Variants in CTCF observed in about 807,000 individuals in gnomAD.
The protein encoded by CTCF is transcriptional repressor CTCF.
In CTCF, 7 loss-of-function variants were observed where a neutral mutation model predicts 72.3. That is an observed-to-expected ratio of 0.10 (90% CI 0.06 to 0.18). The LOEUF (loss-of-function observed/expected upper bound fraction) is 0.18. Ranked by LOEUF, CTCF falls within the 10% of genes least tolerant of loss-of-function variation. The probability of loss-of-function intolerance (pLI) is 1.00; values close to 1 mark genes in which losing one functional copy is unlikely to be tolerated. For synonymous variants in CTCF, 374 were observed against 315.8 expected, an observed-to-expected ratio of 1.18 and a Z score of -1.95; for missense variants, 516 against 949.1, an observed-to-expected ratio of 0.54 and a Z score of 6.00.
intron 2 of CTCF, among the ~76,000 whole-genome samples, chr16:67,604,752 G>GTTTTTTT (rs1242814743): frequency 3.0e-5 from 3 of 98,908 alleles, no homozygotes; most frequent in Admixed American, 9.3e-5. Context: ...TTTGTTTTTT[G>GTTTTTTT]TTTTTTTTTT....
At chr16:67,601,423 C>A (rs1204490627) in intron 2 of CTCF, among the ~76,000 whole-genome samples, 1 of 151,494 alleles carries the variant, frequency 6.6e-6, no homozygotes, top group Non-Finnish European at 1.5e-5. Context: ...ACTGCAAGCT[C>A]CACCTCTCGG....
chr16:67,574,908 C>T (rs2051474553), intron 2 of CTCF, among the ~76,000 whole-genome samples: 1 of 151,902 alleles, frequency 6.6e-6, no homozygotes, highest in South Asian at 2.1e-4. Flanking sequence ...CTGCCTGCCT[C>T]GGCCTCCCAA....
At chr16:67,627,509 T>C (rs938044268) in intron 8 of CTCF, 2 of 139,306 alleles carry the variant, frequency 1.4e-5, no homozygotes, top group African/African-American at 2.7e-5. Flanking sequence ...AAAGAAAAAA[T>C]TAGCTGGGGC....
At position 67,636,838 on chromosome 16, in the gene CTCF, C is replaced by G. The variant is rs148681672; in HGVS notation, c.1986C>G (p.Pro662=). 2,020 of 1,591,818 alleles carry G rather than the reference C, an allele frequency of 1.3e-3. 3 individuals are homozygous for G. The highest frequency in any genetic ancestry group is 1.6e-3 in the Non-Finnish European group (1,840 of 1,168,750). The change falls in exon 11 of 12, where the codon CCC becomes CCG. Residue 662 remains proline, a synonymous_variant. Coordinates refer to ENST00000264010, the MANE Select transcript of CTCF (RefSeq NM_006565.4). ...GACCCCCTGGCAGAACCAACCAGCC[C>G]AAACAGAACCAGCGTAAGTTGTTCA... ...RGRPPGRTNQ[P]KQNQPTAIIQ... is the part of the protein sequence containing the mutation.
intron 1 of CTCF, among the ~76,000 whole-genome samples, chr16:67,566,460 A>C (rs1484171086): frequency 1.3e-5 from 2 of 148,168 alleles, no homozygotes; most frequent in African/African-American, 5.0e-5. Flanking sequence ...CAGTGAGTCA[A>C]GATCGTGCCG....
At chr16:67,609,041 T>A (rs2052019974) in intron 2 of CTCF, among the ~76,000 whole-genome samples, 1 of 152,134 alleles carries the variant, frequency 6.6e-6, no homozygotes, top group Admixed American at 6.6e-5. Flanking sequence ...ACGTGCTTAA[T>A]AAAGCTACCT....
At chr16:67,617,948 C>T (rs1366627550) in intron 5 of CTCF, among the ~76,000 whole-genome samples, 3 of 152,142 alleles carry the variant, frequency 2.0e-5, no homozygotes, top group Non-Finnish European at 4.4e-5. Flanking sequence ...ATATCTGAAA[C>T]ACAAAGATTG....
At chr16:67,610,353 T>TTC (rs2052045377) in intron 2 of CTCF, among the ~76,000 whole-genome samples, 1 of 145,556 alleles carries the variant, frequency 6.9e-6, no homozygotes, top group African/African-American at 2.5e-5. Context: ...TCTTTTTCTT[T>TTC]TTTTTTTTTT....
rs1486997074 is a variant in CTCF, at chr16:67,616,814, G to A, written c.1022G>A (p.Arg341His). Residue 341 changes from arginine (R) to histidine (H), a missense_variant, in exon 5 of 12, where the codon CGT becomes CAT. Coordinates refer to ENST00000264010, the MANE Select transcript of CTCF (RefSeq NM_006565.4). ...FVTSGELVRHRRYKHTHEKPF... is the reference protein window; with the variant it reads ...FVTSGELVRHHRYKHTHEKPF... ...ACCAGTGGAGAATTGGTTCGGCATCGTCGTTACAAACACACCCACGAGAAG... is the reference window on the plus strand; with the variant it reads ...ACCAGTGGAGAATTGGTTCGGCATCATCGTTACAAACACACCCACGAGAAG... 3 of 1,614,106 alleles carry A rather than the reference G, an allele frequency of 1.9e-6. No homozygotes were observed. The highest frequency in any genetic ancestry group is 2.5e-6 in the Non-Finnish European group (3 of 1,179,988).
chr16:67,620,900 C>A (rs952936457), intron 6 of CTCF, 83 bp downstream of exon 6: 4 of 1,176,796 alleles, frequency 3.4e-6, no homozygotes, highest in Non-Finnish European at 4.6e-6. Context: ...TGTGTGTCCC[C>A]ATTGTTTATA....
chr16:67,599,077 A>C (rs562106247), intron 2 of CTCF, among the ~76,000 whole-genome samples: 5 of 152,340 alleles, frequency 3.3e-5, no homozygotes, highest in Admixed American at 6.5e-5. Flanking sequence ...AGAGCTAGCT[A>C]AGAAGTGGCT....
chr16:67,584,730 C>A (rs1466332842), intron 2 of CTCF, among the ~76,000 whole-genome samples: 1 of 151,956 alleles, frequency 6.6e-6, no homozygotes, highest in Non-Finnish European at 1.5e-5. Context: ...GATATTAAAG[C>A]CAAAAGAAAA....
chr16:67,563,434 T>C (rs1344586885), intron 1 of CTCF: 2 of 152,282 alleles, frequency 1.3e-5, no homozygotes, highest in South Asian at 2.1e-4. Context: ...ACCCCAGAGC[T>C]GCCGAGAGCT....
chr16:67,579,299 G>A (rs137933147), intron 2 of CTCF, among the ~76,000 whole-genome samples: 186 of 151,730 alleles, frequency 1.2e-3, no homozygotes, highest in African/African-American at 4.1e-3. Flanking sequence ...AGCACAAATA[G>A]TAGCTTACTA....
chr16:67,635,841 G>A (rs975697775), intron 10 of CTCF, among the ~76,000 whole-genome samples: 1 of 151,986 alleles, frequency 6.6e-6, no homozygotes, highest in East Asian at 1.9e-4. Flanking sequence ...ACCCAAGCTG[G>A]TCTTGAACTC....
intron 2 of CTCF, among the ~76,000 whole-genome samples, chr16:67,577,357 C>CA (rs72483780): frequency 0.068 from 4,139 of 61,180 alleles, 89 homozygotes; most frequent in Non-Finnish European, 0.11. Flanking sequence ...GGCTCTGTCT[C>CA]AAAAAAAAAA....
intron 2 of CTCF, among the ~76,000 whole-genome samples, chr16:67,603,799 TG>T (rs1242242117): frequency 1.4e-5 from 2 of 144,114 alleles, no homozygotes; most frequent in Non-Finnish European, 3.0e-5. Context: ...CACTTCAGCC[TG>T]GGCAACAGTG....
chr16:67,604,128 C>CAAAAA (rs762004795), intron 2 of CTCF, among the ~76,000 whole-genome samples: 9 of 57,520 alleles, frequency 1.6e-4, no homozygotes, highest in East Asian at 9.5e-4. Context: ...AACCCCGTCT[C>CAAAAA]AAAAAAAAAA....
Position 67,638,145 on chromosome 16 carries a change from A to G in CTCF, c.*273A>G, listed in dbSNP as rs950159372. ...GTTGACAACTAACTCGTTTTCCTAG[A>G]TGGAAACGGAGACATTGACCCCTCC... On this transcript the variant is annotated 3_prime_UTR_variant, in exon 12 of 12. Coordinates refer to ENST00000264010, the MANE Select transcript of CTCF (RefSeq NM_006565.4). 3 of 367,904 alleles carry G rather than the reference A, an allele frequency of 8.2e-6. No individual in the cohort carries two copies. Among genetic ancestry groups the G allele is most frequent in the African/African-American group, 2.0e-5 (1 of 49,462 alleles). The allele number at this position is 367,904 out of a possible 1,614,324, so 22.8% of individuals were successfully genotyped here.
Sources: gnomAD v4.1 joint callset for allele counts (sites outside exome capture counted in the v4.1 genomes callset) on GRCh38, gnomAD v4.1.1 for gene constraint, MANE v1.5 for transcripts, NCBI Gene and HGNC (gene_info 2026-07-23, HGNC 2026-07-21) for gene names.